TCF7L2: variants seen among roughly 807,000 people sequenced by gnomAD.
TCF7L2 encodes transcription factor 7-like 2.
Under a neutral mutation model 77.9 loss-of-function variants are expected in TCF7L2, and 23 were observed. The observed-to-expected ratio is 0.30, with a 90% CI of 0.21 to 0.42. The LOEUF (loss-of-function observed/expected upper bound fraction) is 0.42, where lower values mean the gene tolerates loss of function less well. Ranked by LOEUF, TCF7L2 falls within the 10% of genes least tolerant of loss-of-function variation. TCF7L2 has a pLI of 1.00. For synonymous variants in TCF7L2, 413 were observed against 340.2 expected, an observed-to-expected ratio of 1.21 and a Z score of -2.36; for missense variants, 654 against 793.1, an observed-to-expected ratio of 0.82 and a Z score of 2.11.
chr10:113,029,970 G>GT (rs1564803782), intron 4 of TCF7L2, among the ~76,000 whole-genome samples: 1 of 151,978 alleles, frequency 6.6e-6, no homozygotes, highest in Non-Finnish European at 1.5e-5. Context: ...CAGTTCAGTG[G>GT]TTTTTTAGTC....
At chr10:113,129,635 C>G (rs2066240193) in intron 5 of TCF7L2, 1 of 1,174,040 alleles carries the variant, frequency 8.5e-7, no homozygotes, top group Non-Finnish European at 1.1e-6. Context: ...ATATGAGCGA[C>G]AACTTTGAGC....
In TCF7L2 at chr10:113,152,425, C is replaced by T. The variant is rs762632915; in HGVS notation, c.1254C>T (p.Ser418=). The T allele has an allele frequency of 6.7e-5, 108 of 1,613,782 alleles. 1 individual carries two copies. Among genetic ancestry groups the T allele is most frequent in the Middle Eastern group, 3.3e-4 (2 of 6,084 alleles). Reference sequence around the variant, plus strand: ...ATATGCAACTGTACCCCGGCTGGTCCGCGCGGGATAACTATGTAGGTGGAT... The same window carrying T: ...ATATGCAACTGTACCCCGGCTGGTCTGCGCGGGATAACTATGTAGGTGGAT... Residue 418 remains serine (S), a synonymous_variant, in exon 11 of 14, where the codon TCC becomes TCT. Coordinates refer to ENST00000627217, the MANE Select transcript of TCF7L2 (RefSeq NM_001146274.2).
intron 4 of TCF7L2, among the ~76,000 whole-genome samples, chr10:113,008,523 G>C (rs1311457162): frequency 6.6e-6 from 1 of 152,036 alleles, no homozygotes; most frequent in Non-Finnish European, 1.5e-5. Context: ...ACGCCTTCAT[G>C]GTTTTTGGCA....
Position 113,165,865 on chromosome 10 carries a change from C to T in TCF7L2, c.1702C>T (p.Pro568Ser), listed in dbSNP as rs766880832. The change falls in exon 14 of 14, where the codon CCC (proline) becomes TCC (serine). Residue 568 changes from proline (P) to serine (S), a missense_variant. Coordinates refer to ENST00000627217, the MANE Select transcript of TCF7L2 (RefSeq NM_001146274.2). ...CCCAGCCGCTTTGCAGCCTGCCGCCCCCTCCTCATCAATTGCACAGCCGTC... is the reference window on the plus strand; with the variant it reads ...CCCAGCCGCTTTGCAGCCTGCCGCCTCCTCCTCATCAATTGCACAGCCGTC... 2 of 1,607,306 alleles carry T rather than the reference C, an allele frequency of 1.2e-6. No individual in the cohort carries two copies. Among genetic ancestry groups the T allele is most frequent in the South Asian group, 1.1e-5 (1 of 90,546 alleles).
chr10:113,038,788 T>C (rs1417312776), intron 4 of TCF7L2, among the ~76,000 whole-genome samples: 1 of 152,210 alleles, frequency 6.6e-6, no homozygotes, highest in Non-Finnish European at 1.5e-5. Context: ...GTAAGGCTCC[T>C]CATGCTGGCA....
intron 4 of TCF7L2, among the ~76,000 whole-genome samples, chr10:112,995,132 T>G (rs1013287786): frequency 1.3e-5 from 2 of 152,144 alleles, no homozygotes; most frequent in East Asian, 3.9e-4. Flanking sequence ...GCTGTCATGT[T>G]AGATCCACCC....
At chr10:112,960,794 T>C (rs939212938) in intron 3 of TCF7L2, among the ~76,000 whole-genome samples, 1 of 151,980 alleles carries the variant, frequency 6.6e-6, no homozygotes, top group African/African-American at 2.4e-5. Context: ...CTCAAGCAAT[T>C]CTCCTGCCTC....
At chr10:113,016,846 C>T (rs2047416975) in intron 4 of TCF7L2, among the ~76,000 whole-genome samples, 1 of 152,152 alleles carries the variant, frequency 6.6e-6, no homozygotes, top group Non-Finnish European at 1.5e-5. Context: ...CCGCTGCCCA[C>T]CAGATCCTGA....
chr10:113,138,355 G>A (rs2067747107), intron 5 of TCF7L2, among the ~76,000 whole-genome samples: 1 of 150,130 alleles, frequency 6.7e-6, no homozygotes, highest in Admixed American at 6.7e-5. Flanking sequence ...TTAGTAGCCA[G>A]AACACAGGGC....
intron 4 of TCF7L2, among the ~76,000 whole-genome samples, chr10:113,021,055 A>C (rs1183176641): frequency 6.6e-6 from 1 of 152,180 alleles, no homozygotes; most frequent in African/African-American, 2.4e-5. Context: ...AATGCCCGGC[A>C]AAGTGCTGGC....
In TCF7L2 at chr10:113,151,196, T is replaced by C. The variant is rs1349212457; in HGVS notation, c.1001+73T>C. ...CAAGCCTGTTGCAGCTGCTGGGTGG[T>C]GGCTTTCTGCCTAAGGTTGGCCTCG... On this transcript the variant is annotated intron_variant, in intron 9 of 13. Coordinates refer to ENST00000627217, the MANE Select transcript of TCF7L2 (RefSeq NM_001146274.2). The surrounding 1 kb of genome is among the most constrained non-coding windows in gnomAD (Gnocchi z 5.2). 21 of 1,602,986 alleles carry C rather than the reference T, an allele frequency of 1.3e-5. No homozygotes were observed. In the Admixed American group the frequency reaches 2.5e-4, roughly 19 times the overall value.
rs11438946 is a variant in TCF7L2, at chr10:113,078,131, TA to T, written c.552+38016del. ...ATCAGTTGATGGCAAGCTTCAGAAT[TA>T]AAAAAAAAAATTAAGCTAGTTCATA... On this transcript the variant is annotated intron_variant, in intron 5 of 13. Transcript: ENST00000627217. 2.7e-3 allele frequency among the ~76,000 whole-genome samples: 409 copies of T among 149,682 alleles called. 3 individuals carry two copies. The highest frequency in any genetic ancestry group is 4.7e-3 in the Non-Finnish European group (316 of 67,340).
At chr10:112,987,415 GTTTTTTTT>G (rs36015766) in intron 4 of TCF7L2, 1 of 141,278 alleles carries the variant, frequency 7.1e-6, no homozygotes, top group African/African-American at 2.6e-5. Context: ...GGAAGCAGAA[GTTTTTTTT>G]TTTTTTTTTT....
At chr10:112,989,583 T>A (rs2042163509) in intron 4 of TCF7L2, among the ~76,000 whole-genome samples, 2 of 152,158 alleles carry the variant, frequency 1.3e-5, no homozygotes, top group Admixed American at 1.3e-4. Flanking sequence ...CAGGCTGGGA[T>A]GTAGCACTAG....
At chr10:113,163,042 GT>G (rs1229548233) in intron 13 of TCF7L2, among the ~76,000 whole-genome samples, 1 of 151,502 alleles carries the variant, frequency 6.6e-6, no homozygotes, top group Non-Finnish European at 1.5e-5. Flanking sequence ...AAGAAAAGCA[GT>G]TGCCAACCGA....
intron 4 of TCF7L2, among the ~76,000 whole-genome samples, chr10:112,970,529 G>C (rs986402862): frequency 2.6e-5 from 4 of 151,882 alleles, no homozygotes; most frequent in African/African-American, 9.7e-5. Flanking sequence ...TCTTGTCCGT[G>C]TCTTAACATT....
At chr10:112,992,982 C>G (rs1405972246) in intron 4 of TCF7L2, among the ~76,000 whole-genome samples, 2 of 151,912 alleles carry the variant, frequency 1.3e-5, no homozygotes, top group Non-Finnish European at 2.9e-5. Flanking sequence ...CCAGGCTGGT[C>G]TTGAACTCCT....
At chr10:113,029,939 A>C (rs1339851440) in intron 4 of TCF7L2, among the ~76,000 whole-genome samples, 2 of 152,142 alleles carry the variant, frequency 1.3e-5, no homozygotes, top group East Asian at 3.8e-4. Flanking sequence ...CACGTCATAA[A>C]ATGTACCCAT....
chr10:112,999,643 G>A (rs56135213), intron 4 of TCF7L2, among the ~76,000 whole-genome samples: 2,097 of 152,278 alleles, frequency 0.014, 27 homozygotes, highest in Non-Finnish European at 0.02. Flanking sequence ...TCAGTTACTC[G>A]TCACAAAAAT....
Sources: allele counts gnomAD v4.1 joint callset (sites outside exome capture counted in the v4.1 genomes callset), GRCh38; gene constraint gnomAD v4.1.1; non-coding constraint Gnocchi (gnomAD v3.1); transcripts MANE v1.5; gene names NCBI Gene and HGNC (gene_info 2026-07-23, HGNC 2026-07-21).